The following MROH9 variants were observed in gnomAD, a reference collection of about 807,000 sequenced individuals.
MROH9 encodes the protein maestro heat like repeat family member 9.
A neutral mutation model predicts 98.2 loss-of-function variants in MROH9; 92 were observed. The ratio of observed to expected loss-of-function variants is 0.94; its 90% CI spans 0.79 to 1.11. The LOEUF is 1.11. Among genes scored for constraint, MROH9 ranks in the 50% most tolerant of loss-of-function variants. MROH9 has a pLI of 0.00. For synonymous variants in MROH9, 397 were observed against 368.9 expected (o/e 1.08, Z -0.87); for missense variants, 1,057 against 1,014.8 (o/e 1.04, Z -0.57).
At chr1:170,995,151 C>T (rs969394365) in intron 12 of MROH9, among the ~76,000 whole-genome samples, 1 of 152,090 alleles carries the variant, frequency 6.6e-6, no homozygotes, top group Admixed American at 6.6e-5. Context: ...GGTTTGTCAT[C>T]CAGGGTGTTT....
chr1:171,060,213 TTAAAA>T (rs1263022715), intron 20 of MROH9, among the ~76,000 whole-genome samples: 1 of 152,028 alleles, frequency 6.6e-6, no homozygotes, highest in African/African-American at 2.4e-5. Flanking sequence ...ATCAAATACC[TTAAAA>T]TAAAACTAAG....
At chr1:171,036,658 G>T (rs543517494) in intron 20 of MROH9, among the ~76,000 whole-genome samples, 4 of 151,494 alleles carry the variant, frequency 2.6e-5, no homozygotes, top group African/African-American at 9.7e-5. Flanking sequence ...GTCACAAGTA[G>T]AATGGATAAA....
chr1:170,967,881 G>A (rs552379463), intron 7 of MROH9, among the ~76,000 whole-genome samples: 1 of 152,276 alleles, frequency 6.6e-6, no homozygotes, highest in Non-Finnish European at 1.5e-5. Flanking sequence ...TTTAAAAATG[G>A]ATGGTGGGTT....
At chr1:170,962,350 A>G (rs1376933016) in intron 6 of MROH9, among the ~76,000 whole-genome samples, 2 of 152,152 alleles carry the variant, frequency 1.3e-5, no homozygotes, top group Non-Finnish European at 2.9e-5. Context: ...CTTCTTCCTC[A>G]TCAACTCAGG....
chr1:171,002,727 G>T (rs1027764766), intron 15 of MROH9, among the ~76,000 whole-genome samples: 10 of 152,150 alleles, frequency 6.6e-5, no homozygotes, highest in Admixed American at 3.9e-4. Flanking sequence ...ATGACAATGT[G>T]CTTAGGTGAA....
At chr1:170,947,421 T>C in intron 2 of MROH9, 106 bp from the exon 3 acceptor site, 1 of 869,730 alleles carries the variant, frequency 1.1e-6, no homozygotes, top group Non-Finnish European at 1.9e-6. Flanking sequence ...CTTGTTGGGC[T>C]TTGACATCAA....
chr1:171,026,566 C>T (rs1257781845), intron 20 of MROH9, among the ~76,000 whole-genome samples: 3 of 152,184 alleles, frequency 2.0e-5, no homozygotes, highest in Admixed American at 6.5e-5. Context: ...AGCCACCATG[C>T]TCAGCCAATA....
intron 14 of MROH9, 79 bp from the exon 15 acceptor site, chr1:170,998,075 A>C (rs1651647186): frequency 9.2e-7 from 1 of 1,088,686 alleles, no homozygotes; most frequent in Non-Finnish European, 1.3e-6. Context: ...GCAAGATATT[A>C]GAATAATGAT....
intron 20 of MROH9, among the ~76,000 whole-genome samples, chr1:171,053,430 AT>A (rs769694387): frequency 2.6e-5 from 4 of 152,166 alleles, no homozygotes; most frequent in Non-Finnish European, 2.9e-5. Context: ...GAACATCTAA[AT>A]CTCTGGTTGG....
intron 7 of MROH9, among the ~76,000 whole-genome samples, chr1:170,965,672 G>A (rs765760302): frequency 6.6e-6 from 1 of 151,994 alleles, no homozygotes; most frequent in African/African-American, 2.4e-5. Context: ...AAACATGCTA[G>A]AGGTAGAGCA....
intron 3 of MROH9, 62 bp downstream of exon 3, chr1:170,947,635 A>T: frequency 7.2e-7 from 1 of 1,396,398 alleles, no homozygotes; most frequent in South Asian, 1.2e-5. Flanking sequence ...ATAACTTTTT[A>T]CTGTTTCCAT....
intron 20 of MROH9, among the ~76,000 whole-genome samples, chr1:171,059,927 C>T (rs113686069): frequency 0.025 from 3,825 of 151,356 alleles, 150 homozygotes; most frequent in African/African-American, 0.088. Context: ...TCAATAGGTG[C>T]AAAAATTTTA....
Position 171,016,221 on chromosome 1 carries a change from A to T in MROH9, c.1793A>T (p.Asp598Val). 1 of 1,540,020 alleles carries T rather than the reference A, an allele frequency of 6.5e-7. No individual in the cohort carries two copies. Among genetic ancestry groups the T allele is most frequent in the East Asian group, 2.5e-5 (1 of 40,176 alleles). ...AILDAFLSKDDNVVLQALLTL... is the reference protein window; with the variant it reads ...AILDAFLSKDVNVVLQALLTL... The stretch of plus-strand genomic sequence containing the variant: ...CTGGATGCCTTCCTTTCCAAAGACG[A>T]TAATGTTGTACTTCAGGCCTTGCTC... The change falls in exon 17 of 22, where the codon GAT becomes GTT. Residue 598 changes from aspartate to valine, a missense_variant. Coordinates refer to ENST00000367759, the MANE Select transcript of MROH9 (RefSeq NM_001163629.2).
intron 8 of MROH9, among the ~76,000 whole-genome samples, chr1:170,975,706 T>A (rs1650660358): frequency 6.6e-6 from 1 of 152,184 alleles, no homozygotes; most frequent in East Asian, 1.9e-4. Context: ...GATCTAATAC[T>A]GCCAGTGGGA....
intron 4 of MROH9, among the ~76,000 whole-genome samples, chr1:170,958,771 T>C (rs1297279338): frequency 1.3e-5 from 2 of 152,184 alleles, no homozygotes; most frequent in Non-Finnish European, 2.9e-5. Flanking sequence ...AGTTTGAAGA[T>C]GCATCTCAAT....
At chr1:170,986,230 T>C (rs1651125816) in intron 9 of MROH9, among the ~76,000 whole-genome samples, 1 of 152,194 alleles carries the variant, frequency 6.6e-6, no homozygotes, top group Non-Finnish European at 1.5e-5. Flanking sequence ...CATCTTCTGC[T>C]TTCTTCATAG....
chr1:171,014,958 A>G (rs1652279355), intron 16 of MROH9: 3 of 471,236 alleles, frequency 6.4e-6, no homozygotes, highest in African/African-American at 2.0e-5. Flanking sequence ...GCTGAGAACA[A>G]CAATCTTACA....
At chr1:171,024,301 G>GA in intron 17 of MROH9, 94 bp from the exon 18 acceptor site, 1 of 718,552 alleles carries the variant, frequency 1.4e-6, no homozygotes, top group Non-Finnish European at 2.1e-6. Flanking sequence ...ATATTTATAT[G>GA]GGGTGTGTGT....
At position 170,977,066 on chromosome 1, in the gene MROH9, AGT is replaced by A. The variant is rs1650730221; in HGVS notation, c.616+5188_616+5189del. 5.9e-5 allele frequency among the ~76,000 whole-genome samples: 9 copies of A among 151,820 alleles called. No individual in the cohort carries two copies. In the South Asian group the frequency reaches 1.9e-3, roughly 32 times the overall value. ...TGCATTTGCATTTTGAAATTCTTGT[AGT>A]GTGTTTTTCAGCTCTATCAGGCCAG... On this transcript the variant is annotated intron_variant, in intron 8 of 21. Transcript: ENST00000367759.
Sources: gnomAD v4.1 joint callset for allele counts (sites outside exome capture counted in the v4.1 genomes callset) on GRCh38, gnomAD v4.1.1 for gene constraint, MANE v1.5 for transcripts, NCBI Gene and HGNC (gene_info 2026-07-23, HGNC 2026-07-21) for gene names.